Variants in SYNE1 observed in about 807,000 individuals in gnomAD.
SYNE1 encodes spectrin repeat containing nuclear envelope protein 1, also known as nesprin-1.
SYNE1 carries 616 observed loss-of-function variants against 1,111.0 expected under a neutral mutation model. The observed-to-expected ratio is 0.55, with a 90% CI of 0.52 to 0.59. The LOEUF (loss-of-function observed/expected upper bound fraction) is 0.59, where lower values mean the gene tolerates loss of function less well. Among genes scored for constraint, SYNE1 ranks in the 20% least tolerant of loss-of-function variants. The pLI is 0.00. For missense variants in SYNE1, 10,006 were observed against 10,417.0 expected, an observed-to-expected ratio of 0.96 and a Z score of 1.72; for synonymous variants, 3,855 against 3,825.8, an observed-to-expected ratio of 1.01 and a Z score of -0.28.
intron 3 of SYNE1, among the ~76,000 whole-genome samples, chr6:152,581,888 C>T (rs1385809749): frequency 6.6e-6 from 1 of 152,184 alleles, no homozygotes. Context: ...ATTCACTCTT[C>T]TTGTGAACAC....
At chr6:152,217,085 T>A (rs1588035053) in intron 121 of SYNE1, among the ~76,000 whole-genome samples, 2 of 123,864 alleles carry the variant, frequency 1.6e-5, no homozygotes, top group Non-Finnish European at 1.7e-5. Context: ...AATTCACAAC[T>A]AAGTAAAACC....
intron 108 of SYNE1, among the ~76,000 whole-genome samples, chr6:152,238,860 G>A (rs943396303): frequency 2.0e-5 from 3 of 151,684 alleles, no homozygotes; most frequent in African/African-American, 4.8e-5. Flanking sequence ...AAGAGCAACC[G>A]CATTTGGGAC....
chr6:152,581,538 T>G (rs1356680095), intron 3 of SYNE1, among the ~76,000 whole-genome samples: 2 of 152,178 alleles, frequency 1.3e-5, no homozygotes, highest in African/African-American at 4.8e-5. Context: ...ATAGCAGACA[T>G]AAGCACACCA....
intron 3 of SYNE1, among the ~76,000 whole-genome samples, chr6:152,604,944 C>T (rs578178216): frequency 1.3e-3 from 88 of 65,924 alleles, no homozygotes; most frequent in African/African-American, 4.6e-3. Context: ...CCCTATCTCA[C>T]AAAGAAAGAA....
intron 14 of SYNE1, among the ~76,000 whole-genome samples, chr6:152,475,205 A>C (rs1482578585): frequency 6.6e-6 from 1 of 152,214 alleles, no homozygotes; most frequent in Non-Finnish European, 1.5e-5. Flanking sequence ...TATCAGACAA[A>C]ATGGATTTCA....
chr6:152,327,259 C>T (rs1277652877), intron 78 of SYNE1, among the ~76,000 whole-genome samples: 1 of 151,454 alleles, frequency 6.6e-6, no homozygotes, highest in African/African-American at 2.4e-5. Context: ...CACTGCACCC[C>T]AGACTCTGTC....
rs529628600 is a variant in SYNE1, at chr6:152,122,616, G to A, written c.26214C>T (p.Arg8738=). 1.4e-5 allele frequency: 23 copies of A among 1,614,182 alleles called. No individual in the cohort carries two copies. Among genetic ancestry groups the A allele is most frequent in the Middle Eastern group, 1.6e-4 (1 of 6,062 alleles). The change falls in exon 146 of 146, where the codon CGC becomes CGT. Residue 8738 remains arginine (R), a synonymous_variant. Coordinates refer to ENST00000367255, the MANE Select transcript of SYNE1 (RefSeq NM_182961.4). Reference sequence around the variant, plus strand: ...CTCGGAGGACTCTGAACAGGAAGCCGCGGCCGGACCGACCTGGCCCTGGCT... The same window carrying A: ...CTCGGAGGACTCTGAACAGGAAGCCACGGCCGGACCGACCTGGCCCTGGCT... ...LSEPGPGRSG[R]GFLFRVLRAA... is the part of the protein sequence containing the mutation.
intron 104 of SYNE1, among the ~76,000 whole-genome samples, chr6:152,250,892 T>C (rs1373241180): frequency 1.3e-5 from 2 of 152,202 alleles, no homozygotes; most frequent in Non-Finnish European, 2.9e-5. Context: ...ATATATAACA[T>C]AACATGGGTT....
At chr6:152,286,842 C>A (rs75488836) in intron 95 of SYNE1, among the ~76,000 whole-genome samples, 2 of 152,310 alleles carry the variant, frequency 1.3e-5, no homozygotes, top group East Asian at 3.9e-4. Flanking sequence ...CTAATAGAAT[C>A]AATATTTCCC....
chr6:152,295,563 AC>A (rs1226760538), intron 93 of SYNE1, among the ~76,000 whole-genome samples: 2 of 151,934 alleles, frequency 1.3e-5, no homozygotes, highest in Non-Finnish European at 1.5e-5. Context: ...CCACTTGGAA[AC>A]CCGCAAACAT....
intron 56 of SYNE1, among the ~76,000 whole-genome samples, chr6:152,378,511 C>G (rs1000287291): frequency 9.2e-5 from 14 of 152,184 alleles, no homozygotes; most frequent in Admixed American, 7.9e-4. Flanking sequence ...CATCATTCCC[C>G]TCTTTGCCTC....
chr6:152,516,367 T>TGAAAAA (rs2099111771), intron 6 of SYNE1, among the ~76,000 whole-genome samples: 1 of 152,184 alleles, frequency 6.6e-6, no homozygotes, highest in African/African-American at 2.4e-5. Context: ...TTACTTTGGG[T>TGAAAAA]TGTTCCGTGA....
At chr6:152,195,512 T>G (rs2262697) in intron 127 of SYNE1, among the ~76,000 whole-genome samples, 101,656 of 152,118 alleles carry the variant, frequency 0.67, 34,041 homozygotes, top group Admixed American at 0.73. Context: ...ATCTGCATCA[T>G]GGGGCACCCC....
chr6:152,314,238 A>T (rs1024657940), intron 87 of SYNE1, among the ~76,000 whole-genome samples: 17 of 152,366 alleles, frequency 1.1e-4, no homozygotes, highest in Middle Eastern at 3.4e-3. Flanking sequence ...TGACTTCAGG[A>T]TAAAGTCCAA....
intron 5 of SYNE1, among the ~76,000 whole-genome samples, chr6:152,523,806 A>G (rs527332887): frequency 6.6e-6 from 1 of 152,098 alleles, no homozygotes; most frequent in East Asian, 1.9e-4. Context: ...TTTTGCAGCT[A>G]TTGTAAAAGG....
At chr6:152,243,177 T>C (rs944268336) in intron 106 of SYNE1, among the ~76,000 whole-genome samples, 7 of 152,224 alleles carry the variant, frequency 4.6e-5, no homozygotes, top group Non-Finnish European at 1.0e-4. Flanking sequence ...GGACATGTCA[T>C]AGAAAATGTA....
intron 60 of SYNE1, 91 bp from the exon 61 acceptor site, chr6:152,369,218 G>A: frequency 6.5e-7 from 1 of 1,540,576 alleles, no homozygotes; most frequent in Non-Finnish European, 8.8e-7. Context: ...AATCAACACT[G>A]GCAGGCAGTC....
At chr6:152,376,321 T>C in intron 58 of SYNE1, 60 bp downstream of exon 58, 1 of 1,586,938 alleles carries the variant, frequency 6.3e-7, no homozygotes, top group Non-Finnish European at 8.6e-7. Context: ...ACCCTTGATT[T>C]AGAGGTTAAC....
intron 21 of SYNE1, 42 bp from the exon 22 acceptor site, chr6:152,458,972 A>C (rs752142773): frequency 6.3e-7 from 1 of 1,578,580 alleles, no homozygotes; most frequent in Non-Finnish European, 8.7e-7. Flanking sequence ...AAGACCATTA[A>C]GTGCCACTAG....
Sources: allele counts gnomAD v4.1 joint callset (sites outside exome capture counted in the v4.1 genomes callset), GRCh38; gene constraint gnomAD v4.1.1; transcripts MANE v1.5; gene names NCBI Gene and HGNC (gene_info 2026-07-23, HGNC 2026-07-21).